The following RTN4 variants were observed in gnomAD, a reference collection of about 807,000 sequenced individuals.
RTN4 encodes the protein reticulon 4.
In RTN4, 32 loss-of-function variants were observed where a neutral mutation model predicts 90.4. The ratio of observed to expected loss-of-function variants is 0.35; its 90% confidence interval spans 0.27 to 0.48. RTN4 has a LOEUF of 0.48. Ranked by LOEUF, RTN4 falls within the 20% of genes least tolerant of loss-of-function variation. The pLI is 0.99. For missense variants in RTN4, 1,706 were observed against 1,430.2 expected (o/e 1.19, Z -3.11); for synonymous variants, 629 against 552.5 (o/e 1.14, Z -1.94).
In RTN4 at chr2:55,026,010, T is replaced by A; in HGVS notation, c.2089A>T (p.Ile697Phe). 6.2e-7 allele frequency: 1 copy of A among 1,612,776 alleles called. No homozygotes were observed. The highest frequency in any genetic ancestry group is 1.3e-5 in the African/African-American group (1 of 74,960). ...LQETEAPYISIACDLIKETKL... is the reference protein window; with the variant it reads ...LQETEAPYISFACDLIKETKL... ...GTTTCTTTAATTAAATCACATGCAA[T>A]AGATATATAAGGAGCTTCTGTTTCT... Residue 697 changes from isoleucine to phenylalanine, a missense_variant, in exon 3 of 9, where the codon ATT becomes TTT. Physicochemically the swap from Ile to Phe is conservative, Grantham distance 21. Coordinates refer to ENST00000337526, the MANE Select transcript of RTN4 (RefSeq NM_020532.5).
rs187170899 is a variant in RTN4, at chr2:55,070,458, A to G, written c.-63+10031T>C. 8.8e-5 allele frequency among the ~76,000 whole-genome samples: 13 copies of G among 148,516 alleles called. No individual in the cohort carries two copies. In the East Asian group the frequency reaches 2.7e-3, roughly 31 times the overall value. ...CTACTCAGCAGGCTGAGGCCAGAGGATCACTTGGGCCCAAGAAATCAAGGC... is the reference window on the plus strand; with the variant it reads ...CTACTCAGCAGGCTGAGGCCAGAGGGTCACTTGGGCCCAAGAAATCAAGGC... On this transcript the variant is annotated intron_variant, in intron 2 of 3. Transcript: ENST00000427710.
chr2:55,073,910 C>A (rs1668556940), intron 2 of RTN4, among the ~76,000 whole-genome samples: 1 of 152,160 alleles, frequency 6.6e-6, no homozygotes, highest in Non-Finnish European at 1.5e-5. Flanking sequence ...TCTGGTATAC[C>A]ACCCACAGCA....
intron 3 of RTN4, among the ~76,000 whole-genome samples, chr2:54,999,664 GTTGT>G (rs1679712679): frequency 6.6e-6 from 1 of 152,018 alleles, no homozygotes; most frequent in Non-Finnish European, 1.5e-5. Flanking sequence ...TAAAATTTCA[GTTGT>G]TTTTCACAAC....
At chr2:55,027,597 T>A in intron 2 of RTN4, 112 bp from the exon 3 acceptor site, 2 of 1,085,240 alleles carry the variant, frequency 1.8e-6, no homozygotes, top group Non-Finnish European at 2.6e-6. Flanking sequence ...TTTACTAAAA[T>A]GAAATGTTAA....
intron 5 of RTN4, among the ~76,000 whole-genome samples, chr2:54,975,831 C>A (rs1677583563): frequency 6.6e-6 from 1 of 152,232 alleles, no homozygotes; most frequent in Admixed American, 6.5e-5. Flanking sequence ...CAAATAGCAA[C>A]ACTCTGGTCA....
chr2:55,010,659 G>C (rs1680566099), intron 3 of RTN4, among the ~76,000 whole-genome samples: 1 of 152,140 alleles, frequency 6.6e-6, no homozygotes, highest in South Asian at 2.1e-4. Flanking sequence ...TCAAGCTTGT[G>C]AAATGATGAG....
intron 1 of RTN4, among the ~76,000 whole-genome samples, chr2:55,046,409 C>T (rs143076043): frequency 2.5e-4 from 38 of 152,326 alleles, no homozygotes; most frequent in African/African-American, 9.1e-4. Context: ...ACTAGATTCT[C>T]AGACACAAAG....
Position 55,026,507 on chromosome 2 carries a change from G to A in RTN4, c.1592C>T (p.Thr531Ile). 1 of 1,613,950 alleles carries A rather than the reference G, an allele frequency of 6.2e-7. No individual in the cohort carries two copies. The highest frequency in any genetic ancestry group is 8.5e-7 in the Non-Finnish European group (1 of 1,179,926). The change falls in exon 3 of 9, where the codon ACA (threonine) becomes ATA (isoleucine). Residue 531 changes from threonine to isoleucine, a missense_variant. Transcript: ENST00000337526. ...AAQDSETDYV[T>I]TDNLTKVTEE... is the part of the protein sequence containing the mutation. ...AGTCACCTTTGTTAAATTATCTGTT[G>A]TGACATAATCTGTCTCAGAATCCTG...
chr2:55,099,001 T>C (rs889833202), intron 1 of RTN4, among the ~76,000 whole-genome samples: 1 of 152,138 alleles, frequency 6.6e-6, no homozygotes, highest in African/African-American at 2.4e-5. Context: ...AGGTCCGTAC[T>C]GTTTGGTTGT....
At chr2:55,012,903 TAAC>T (rs1258830400) in intron 3 of RTN4, among the ~76,000 whole-genome samples, 1 of 152,174 alleles carries the variant, frequency 6.6e-6, no homozygotes, top group African/African-American at 2.4e-5. Context: ...AACCCCAACT[TAAC>T]AAGTCAAATA....
At position 55,025,216 on chromosome 2, in the gene RTN4, T is replaced by C. The variant is rs373156530; in HGVS notation, c.2883A>G (p.Gln961=). Residue 961 remains glutamine, a synonymous_variant, in exon 3 of 9, where the codon CAA becomes CAG. Coordinates refer to ENST00000337526, the MANE Select transcript of RTN4 (RefSeq NM_020532.5). The stretch of plus-strand genomic sequence containing the variant: ...GTTTAACTATGCTCTCTATCTCTGC[T>C]TGAGTGGCCAAAGCAGAAACATCTG... ...LPPDVSALAT[Q]AEIESIVKPK... 6.8e-6 allele frequency: 11 copies of C among 1,613,760 alleles called. No homozygotes were observed. Among genetic ancestry groups the C allele is most frequent in the Non-Finnish European group, 9.3e-6 (11 of 1,179,836 alleles).
chr2:55,069,650 G>A (rs567477631), intron 2 of RTN4, among the ~76,000 whole-genome samples: 2 of 152,312 alleles, frequency 1.3e-5, no homozygotes, highest in East Asian at 3.9e-4. Flanking sequence ...CTCCACCCAA[G>A]CATTCTTCCA....
At chr2:55,126,623 C>T in the RTN4 span, among the ~76,000 whole-genome samples, 1 of 152,182 alleles carries the variant, frequency 6.6e-6, no homozygotes, top group African/African-American at 2.4e-5. Flanking sequence ...TGGGGCAATT[C>T]CTCAAAGAGC....
chr2:55,033,776 T>G (rs1379068436), intron 1 of RTN4, among the ~76,000 whole-genome samples: 2 of 152,240 alleles, frequency 1.3e-5, no homozygotes, highest in African/African-American at 4.8e-5. Flanking sequence ...TGTTTTATAT[T>G]TTGGTAGTAC....
At chr2:55,047,664 C>T (rs895069666) in intron 1 of RTN4, among the ~76,000 whole-genome samples, 5 of 152,136 alleles carry the variant, frequency 3.3e-5, no homozygotes, top group African/African-American at 9.7e-5. Context: ...CAGGCAGTTA[C>T]ACTACTTGAT....
intron 1 of RTN4, among the ~76,000 whole-genome samples, chr2:55,044,785 TAAAAA>T (rs10639848): frequency 1.1e-4 from 7 of 65,660 alleles, no homozygotes; most frequent in South Asian, 8.9e-4. Context: ...TGCAAATCAC[TAAAAA>T]AAAAAAAAAA....
At chr2:55,104,122 C>T (rs1009674485) in intron 1 of RTN4, among the ~76,000 whole-genome samples, 9 of 151,992 alleles carry the variant, frequency 5.9e-5, no homozygotes, top group Admixed American at 1.3e-4. Flanking sequence ...ACTAGCTGGG[C>T]TCACTGCAAC....
rs766792215 is a variant in RTN4 at position 55,026,903 on chromosome 2, C to T, written c.1196G>A (p.Ser399Asn). ...AGCCAACATATCACTATCTTCCTTA[C>T]TATCTTTCACTTCCCATACTCGCTC... is the stretch of plus-strand genomic sequence containing the variant. ...PFERVWEVKD[S>N]KEDSDMLAAG... Residue 399 changes from serine to asparagine, a missense_variant, in exon 3 of 9, where the codon AGT (serine) becomes AAT (asparagine). Ser to Asn is a conservative substitution (Grantham distance 46, BLOSUM62 1). Transcript: ENST00000337526. 3 of 1,613,812 alleles carry T rather than the reference C, an allele frequency of 1.9e-6. No homozygotes were observed. Among genetic ancestry groups the T allele is most frequent in the East Asian group, 2.2e-5 (1 of 44,864 alleles).
intron 3 of RTN4, among the ~76,000 whole-genome samples, chr2:54,993,957 T>C (rs941144420): frequency 6.6e-6 from 1 of 152,162 alleles, no homozygotes; most frequent in African/African-American, 2.4e-5. Flanking sequence ...GCTGCAAGAA[T>C]GAAAAAAATA....
Sources: gnomAD v4.1 joint callset for allele counts (sites outside exome capture counted in the v4.1 genomes callset) on GRCh38, gnomAD v4.1.1 for gene constraint, MANE v1.5 for transcripts, NCBI Gene and HGNC (gene_info 2026-07-23, HGNC 2026-07-21) for gene names.